ZMAT3: variants seen among roughly 807,000 people sequenced by gnomAD.
ZMAT3 encodes the protein zinc finger matrin-type 3, also known as zinc finger matrin-type protein 3.
Under a neutral mutation model 32.3 loss-of-function variants are expected in ZMAT3, and 17 were observed. That is an observed-to-expected ratio of 0.53 (90% CI 0.36 to 0.79). ZMAT3 has a LOEUF of 0.79. ZMAT3 is among the 30% of genes least tolerant of loss of function. The pLI, the probability that ZMAT3 is intolerant of heterozygous loss-of-function variation, is 0.00. For synonymous variants in ZMAT3, 120 were observed against 133.1 expected (o/e 0.90, Z 0.68); for missense variants, 329 against 359.7 (o/e 0.91, Z 0.69).
intron 2 of ZMAT3, among the ~76,000 whole-genome samples, chr3:179,065,891 G>A (rs1322396723): frequency 6.6e-6 from 1 of 152,100 alleles, no homozygotes; most frequent in Non-Finnish European, 1.5e-5. Context: ...GGGCAACAGA[G>A]CGAGACTCTG....
Position 179,027,761 on chromosome 3 carries a change from A to G in ZMAT3, c.442T>C (p.Tyr148His). The change falls in exon 4 of 6, where the codon TAC (tyrosine) becomes CAC (histidine). Residue 148 changes from tyrosine to histidine, a missense_variant. By Grantham distance (83) the Tyr-to-His change is moderately conservative. Coordinates refer to ENST00000311417, the MANE Select transcript of ZMAT3 (RefSeq NM_022470.4). ...AAGGAGGCATCACAGAGCTTACAGT[A>G]ATCATTCTCCGTGGCCAGGATCACT... ...GRVILATENDYCKLCDASFSS... is the reference protein window; with the variant it reads ...GRVILATENDHCKLCDASFSS... 1 of 1,614,088 alleles carries G rather than the reference A, an allele frequency of 6.2e-7. No individual in the cohort carries two copies. The highest frequency in any genetic ancestry group is 8.5e-7 in the Non-Finnish European group (1 of 1,180,010).
chr3:179,028,339 A>G (rs1262699325), intron 3 of ZMAT3, among the ~76,000 whole-genome samples: 1 of 152,254 alleles, frequency 6.6e-6, no homozygotes, highest in Non-Finnish European at 1.5e-5. Context: ...AGACAACTGT[A>G]GTCAGGTTGT....
At chr3:179,031,934 T>TCCCTCTCCCTCTCCCTCC (rs1560085562) in intron 2 of ZMAT3, among the ~76,000 whole-genome samples, 2 of 5,016 alleles carry the variant, frequency 4.0e-4, no homozygotes, top group Non-Finnish European at 6.7e-4. Flanking sequence ...ACTCTCCCTC[T>TCCCTCTCCCTCTCCCTCC]CCCTCCCCCT....
Position 179,022,308 on chromosome 3 carries a change from T to C in ZMAT3, c.*2709A>G, listed in dbSNP as rs1251973425. Reference sequence around the variant, plus strand: ...ACCCTTCTTATAAAACTATTTCCAATGGAAAACAAAGTGGATGAATGACAT... The same window carrying C: ...ACCCTTCTTATAAAACTATTTCCAACGGAAAACAAAGTGGATGAATGACAT... On this transcript the variant is annotated 3_prime_UTR_variant, in exon 6 of 6. Coordinates refer to ENST00000311417, the MANE Select transcript of ZMAT3 (RefSeq NM_022470.4). The C allele has an allele frequency of 3.3e-5, 5 of 152,132 alleles. No homozygotes were observed. The highest frequency in any genetic ancestry group is 1.9e-4 in the East Asian group (1 of 5,190). 9.4% of individuals were successfully genotyped at this position (152,132 alleles called of 1,614,324 possible). A position where few individuals can be genotyped will look rare whatever the true frequency, so the allele number is the denominator to read the frequency against.
At position 179,027,720 on chromosome 3, in the gene ZMAT3, C is replaced by T. The variant is rs1304320139; in HGVS notation, c.483G>A (p.Val161=). Reference sequence around the variant, plus strand: ...TCTTCCCTTGATAGTGAGCCTGAGCCACAGCTGGGGAACTGAAGGAGGCAT... The same window carrying T: ...TCTTCCCTTGATAGTGAGCCTGAGCTACAGCTGGGGAACTGAAGGAGGCAT... ...LCDASFSSPA[V]AQAHYQGKNH... The change falls in exon 4 of 6, where the codon GTG becomes GTA. Residue 161 remains valine, a synonymous_variant. Coordinates refer to ENST00000311417, the MANE Select transcript of ZMAT3 (RefSeq NM_022470.4). 1 of 1,614,180 alleles carries T rather than the reference C, an allele frequency of 6.2e-7. No individual in the cohort carries two copies. Among genetic ancestry groups the T allele is most frequent in the Non-Finnish European group, 8.5e-7 (1 of 1,180,036 alleles).
intron 2 of ZMAT3, among the ~76,000 whole-genome samples, chr3:179,052,227 A>T (rs1394514289): frequency 6.6e-6 from 1 of 151,564 alleles, no homozygotes; most frequent in African/African-American, 2.4e-5. Context: ...GAGTAGGAGA[A>T]AATTTTTGCA....
At chr3:179,047,441 A>ACAAGGTT (rs1220862484) in intron 2 of ZMAT3, among the ~76,000 whole-genome samples, 3 of 152,222 alleles carry the variant, frequency 2.0e-5, no homozygotes, top group Non-Finnish European at 2.9e-5. Flanking sequence ...ACATGACAAA[A>ACAAGGTT]CAAGGTTCTT....
chr3:179,034,377 GAC>G (rs1181548456), intron 2 of ZMAT3, among the ~76,000 whole-genome samples: 4 of 152,306 alleles, frequency 2.6e-5, no homozygotes, highest in Non-Finnish European at 5.9e-5. Context: ...AAAGTAGCAT[GAC>G]ACAGTTCATT....
chr3:179,070,325 C>T (rs1345935095), intron 1 of ZMAT3, among the ~76,000 whole-genome samples: 4 of 152,200 alleles, frequency 2.6e-5, no homozygotes, highest in African/African-American at 7.2e-5. Flanking sequence ...AGGCCTCCTA[C>T]CAGAGGTGAC....
intron 2 of ZMAT3, among the ~76,000 whole-genome samples, chr3:179,053,334 G>C (rs1328244107): frequency 6.6e-6 from 1 of 151,204 alleles, no homozygotes; most frequent in Non-Finnish European, 1.5e-5. Flanking sequence ...TAAATCCCCA[G>C]TAATATAAAT....
chr3:179,057,595 C>T (rs1281445801), intron 2 of ZMAT3, among the ~76,000 whole-genome samples: 2 of 152,200 alleles, frequency 1.3e-5, no homozygotes, highest in African/African-American at 4.8e-5. Flanking sequence ...CATCAAGCCA[C>T]CCAAGCACTC....
In ZMAT3 at chr3:179,020,460, C is replaced by T. The variant is rs930111696; in HGVS notation, c.*4557G>A. The T allele has an allele frequency of 2.0e-5, 3 of 152,166 alleles. No individual in the cohort carries two copies. Among genetic ancestry groups the T allele is most frequent in the Non-Finnish European group, 4.4e-5 (3 of 68,024 alleles). 9.4% of individuals were successfully genotyped at this position (152,166 alleles called of 1,614,324 possible). On this transcript the variant is annotated 3_prime_UTR_variant, in exon 6 of 6. Transcript: ENST00000311417. ...AGAAAGCAAAAACAATAACAAAACA[C>T]TTTTTATCATATATGAAACTCCTGT...
intron 3 of ZMAT3, 87 bp downstream of exon 3, chr3:179,030,793 A>C: frequency 1.3e-6 from 2 of 1,517,096 alleles, no homozygotes; most frequent in Non-Finnish European, 1.8e-6. Context: ...CCTAATGGAC[A>C]CATGGACGAC....
Position 179,024,846 on chromosome 3 carries a change from C to G in ZMAT3, c.*171G>C, listed in dbSNP as rs541808559. On this transcript the variant is annotated 3_prime_UTR_variant, in exon 6 of 6. Coordinates refer to ENST00000311417, the MANE Select transcript of ZMAT3 (RefSeq NM_022470.4). The stretch of plus-strand genomic sequence containing the variant: ...CACGTTCTTCACACCCACCTCCCCC[C>G]GCCCCGCCCCCGGGCCCCCAGGTTT... 10 of 577,890 alleles carry G rather than the reference C, an allele frequency of 1.7e-5. No individual in the cohort carries two copies. Among genetic ancestry groups the G allele is most frequent in the Non-Finnish European group, 2.4e-5 (8 of 329,422 alleles). 35.8% of individuals were successfully genotyped at this position (577,890 alleles called of 1,614,324 possible).
intron 2 of ZMAT3, among the ~76,000 whole-genome samples, chr3:179,037,703 C>T (rs1480856688): frequency 1.3e-5 from 2 of 152,164 alleles, no homozygotes. Context: ...TGCTGAACTA[C>T]AAAAGCTGCA....
intron 2 of ZMAT3, among the ~76,000 whole-genome samples, chr3:179,047,705 A>AG (rs1720317387): frequency 6.6e-6 from 1 of 151,646 alleles, no homozygotes; most frequent in South Asian, 2.1e-4. Flanking sequence ...ATACAAAAAA[A>AG]AAAAATAGCC....
intron 2 of ZMAT3, among the ~76,000 whole-genome samples, chr3:179,052,524 G>A (rs540713176): frequency 6.3e-4 from 96 of 152,166 alleles, no homozygotes; most frequent in South Asian, 3.7e-3. Flanking sequence ...TGGTCAAAAG[G>A]GAACACTTTT....
chr3:179,058,583 C>T (rs1330906389), intron 2 of ZMAT3, among the ~76,000 whole-genome samples: 2 of 151,952 alleles, frequency 1.3e-5, no homozygotes, highest in African/African-American at 4.8e-5. Context: ...GGTGAAACCC[C>T]GTCTCTACTA....
At chr3:179,034,915 G>A (rs1257175335) in intron 2 of ZMAT3, among the ~76,000 whole-genome samples, 5 of 152,162 alleles carry the variant, frequency 3.3e-5, no homozygotes, top group Non-Finnish European at 7.4e-5. Context: ...AAATACCACA[G>A]TAATCCAAGG....
Sources: gnomAD v4.1 joint callset for allele counts (sites outside exome capture counted in the v4.1 genomes callset) on GRCh38, gnomAD v4.1.1 for gene constraint, MANE v1.5 for transcripts, NCBI Gene and HGNC (gene_info 2026-07-23, HGNC 2026-07-21) for gene names.